IPO4: variants seen among roughly 807,000 people sequenced by gnomAD.
The protein encoded by IPO4 is importin-4.
Under a neutral mutation model 133.5 loss-of-function variants are expected in IPO4, and 91 were observed. That is an observed-to-expected ratio of 0.68 (90% confidence interval 0.58 to 0.81). The LOEUF (loss-of-function observed/expected upper bound fraction) is 0.81. Among genes scored for constraint, IPO4 ranks in the 30% least tolerant of loss-of-function variants. The pLI, the probability that IPO4 is intolerant of heterozygous loss-of-function variation, is 0.00. For missense variants in IPO4, 1,279 were observed against 1,386.2 expected (o/e 0.92, Z 1.23); for synonymous variants, 607 against 581.6 (o/e 1.04, Z -0.63).
chr14:24,182,934 G>A (rs374588152), intron 23 of IPO4, 42 bp downstream of exon 23: 56 of 1,612,690 alleles, frequency 3.5e-5, no homozygotes, highest in Non-Finnish European at 4.7e-5. Flanking sequence ...CCCAACCGAG[G>A]CCCAGCACCT....
chr14:24,180,839 GAA>G (rs954728436), intron 28 of IPO4, 81 bp from the exon 29 acceptor site: 25 of 1,243,660 alleles, frequency 2.0e-5, no homozygotes, highest in Admixed American at 6.3e-5. Context: ...AGGAGTGGCA[GAA>G]TCTCTTATCA....
chr14:24,183,972 G>GGGGGGGCCCCCCCCC, intron 18 of IPO4, 26 bp downstream of exon 18: 1 of 1,573,300 alleles, frequency 6.4e-7, no homozygotes, highest in Non-Finnish European at 8.6e-7. Context: ...GGCAGGCCTG[G>GGGGGGGCCCCCCCCC]CCCAGCCCAC....
At position 24,188,614 on chromosome 14, in the gene IPO4, G is replaced by A. The variant is rs1261600365; in HGVS notation, c.94C>T (p.Leu32Phe). The change falls in exon 2 of 30, where the codon CTT (leucine) becomes TTT (phenylalanine). Residue 32 changes from leucine to phenylalanine, a missense_variant. By Grantham distance (22) the Leu-to-Phe change is conservative (BLOSUM62 0). Transcript: ENST00000354464. ...GCCGGCAAAGCGGCGGGGGCCCGAA[G>A]AACGATCTGGAGCTGTTCCGTGGCC... ...RRATEQLQIV[L>F]RAPAALPALC... The A allele has an allele frequency of 6.2e-7, 1 of 1,611,334 alleles. No individual in the cohort carries two copies. The highest frequency in any genetic ancestry group is 8.5e-7 in the Non-Finnish European group (1 of 1,179,042).
Position 24,184,683 on chromosome 14 carries a change from C to G in IPO4, c.1603G>C (p.Glu535Gln), listed in dbSNP as rs1288563693. ...HLREFLLTGR[E>Q]DLQPVQIQSL... is the part of the protein sequence containing the mutation. Reference sequence around the variant, plus strand: ...TGGATCTGCACAGGCTGAAGGTCCTCACGGCCTGTTAACAGGAATTCCCGC... The same window carrying G: ...TGGATCTGCACAGGCTGAAGGTCCTGACGGCCTGTTAACAGGAATTCCCGC... The change falls in exon 16 of 30, where the codon GAG becomes CAG. Residue 535 changes from glutamate to glutamine, a missense_variant. This residue lies in a region of IPO4 where 695 missense variants were observed against 704.1 expected (regional missense o/e 0.99). Coordinates refer to ENST00000354464, the MANE Select transcript of IPO4 (RefSeq NM_024658.4). The G allele has an allele frequency of 1.2e-6, 2 of 1,610,848 alleles. No individual in the cohort carries two copies. The highest frequency in any genetic ancestry group is 1.7e-6 in the Non-Finnish European group (2 of 1,178,584).
rs1315012848 is a variant in IPO4, at chr14:24,182,036, T to C, written c.2726A>G (p.Gln909Arg). The C allele has an allele frequency of 6.2e-7, 1 of 1,613,426 alleles. No homozygotes were observed. The highest frequency in any genetic ancestry group is 8.5e-7 in the Non-Finnish European group (1 of 1,180,026). Reference protein sequence around the residue: ...RLLPVLLSTAQEADPEVRSNA... With the variant: ...RLLPVLLSTAREADPEVRSNA... The stretch of plus-strand genomic sequence containing the variant: ...GCTTCGCACCTCGGGGTCTGCCTCT[T>C]GGGCGGTGCTCAACAGCACAGGGAG... The change falls in exon 26 of 30, where the codon CAA becomes CGA. Residue 909 changes from glutamine to arginine, a missense_variant. Around this residue, in one of 3 missense-constraint regions of IPO4, gnomAD observed 575 missense variants for 653.4 expected, o/e 0.88. Coordinates refer to ENST00000354464, the MANE Select transcript of IPO4 (RefSeq NM_024658.4).
chr14:24,182,418 C>T lies in IPO4; in HGVS notation c.2473-15G>A. 6.2e-7 allele frequency: 1 copy of T among 1,603,918 alleles called. No homozygotes were observed. ...TCGTATTCAGCCTGTGGAGCCAGGT[C>T]AGGGGCTGGAGCACCAGGGCCAGCT... On this transcript the variant is annotated splice_polypyrimidine_tract_variant and intron_variant, in intron 24 of 29. Transcript: ENST00000354464.
chr14:24,187,379 T>C (rs2039239089), intron 6 of IPO4, 21 bp downstream of exon 6: 5 of 1,611,336 alleles, frequency 3.1e-6, no homozygotes, highest in Non-Finnish European at 4.2e-6. Flanking sequence ...GAGTCAAAGA[T>C]AACGAGGGCC....
At chr14:24,181,023 T>G (rs2039128645) in intron 28 of IPO4, among the ~76,000 whole-genome samples, 1 of 152,042 alleles carries the variant, frequency 6.6e-6, no homozygotes, top group South Asian at 2.1e-4. Context: ...ACTCAGGAGC[T>G]TCACCTACAC....
Position 24,181,728 on chromosome 14 carries a change from T to C in IPO4, c.2923A>G (p.Arg975Gly). ...TCCCTCACCTGGGGCTCTGGTTTCC[T>C]GGTGGGACTGGCCATCAACAGGCGG... ...LARLLMASPT[R>G]KPEPQVLAAL... is the part of the protein sequence containing the mutation. Residue 975 changes from arginine (R) to glycine (G), a missense_variant, in exon 27 of 30, where the codon AGG (arginine) becomes GGG (glycine). Coordinates refer to ENST00000354464, the MANE Select transcript of IPO4 (RefSeq NM_024658.4). The C allele has an allele frequency of 1.2e-6, 2 of 1,602,648 alleles. No homozygotes were observed. The highest frequency in any genetic ancestry group is 1.7e-6 in the Non-Finnish European group (2 of 1,172,746).
Position 24,180,571 on chromosome 14 carries a change from G to T in IPO4, c.3117C>A (p.Asp1039Glu), listed in dbSNP as rs762618214. Residue 1039 changes from aspartate to glutamate, a missense_variant and splice_region_variant, in exon 30 of 30, where the codon GAC becomes GAA. This residue lies in a region of IPO4 where 575 missense variants were observed against 653.4 expected (regional missense o/e 0.88). Transcript: ENST00000354464. ...LILADNKIPP[D>E]TKAALLLLLT... is the part of the protein sequence containing the mutation. ...GGAGCAGCAACAGTGCGGCCTTGGTGTCTGGGTGGAGAGGGAGGGAGAAAG... is the reference window on the plus strand; with the variant it reads ...GGAGCAGCAACAGTGCGGCCTTGGTTTCTGGGTGGAGAGGGAGGGAGAAAG... 4 of 1,613,594 alleles carry T rather than the reference G, an allele frequency of 2.5e-6. No individual in the cohort carries two copies. Among genetic ancestry groups the T allele is most frequent in the Non-Finnish European group, 3.4e-6 (4 of 1,179,582 alleles).
chr14:24,180,298 C>T lies in IPO4; in HGVS notation c.*144G>A. On this transcript the variant is annotated 3_prime_UTR_variant, in exon 30 of 30. Transcript: ENST00000354464. ...TTTGTAACAGATCCAGCCTCAGGGA[C>T]AGCCCTGTAAGGCAGCAAGTGGGGC... 1 of 1,515,462 alleles carries T rather than the reference C, an allele frequency of 6.6e-7. No individual in the cohort carries two copies. Among genetic ancestry groups the T allele is most frequent in the Non-Finnish European group, 8.9e-7 (1 of 1,125,676 alleles). 93.9% of individuals were successfully genotyped at this position (1,515,462 alleles called of 1,614,324 possible). A position where few individuals can be genotyped will look rare whatever the true frequency, so the allele number is the denominator to read the frequency against.
chr14:24,182,700 T>C lies in IPO4; in HGVS notation c.2472+92A>G, dbSNP rs900272460. 12 of 1,422,224 alleles carry C rather than the reference T, an allele frequency of 8.4e-6. No individual in the cohort carries two copies. The African/African-American group carries it at 1.4e-4, about 17-fold the overall frequency. 88.1% of individuals were successfully genotyped at this position (1,422,224 alleles called of 1,614,324 possible). A position where few individuals can be genotyped will look rare whatever the true frequency, so the allele number is the denominator to read the frequency against. On this transcript the variant is annotated intron_variant, in intron 24 of 29. Coordinates refer to ENST00000354464, the MANE Select transcript of IPO4 (RefSeq NM_024658.4). ...ACCAGTCTCTTTTAGTGGCCCTGGC[T>C]GCCCCAGGCCAAGCCCAAATACACT... is the stretch of plus-strand genomic sequence containing the variant.
At chr14:24,182,528 C>A in intron 24 of IPO4, 125 bp from the exon 25 acceptor site, 1 of 1,364,208 alleles carries the variant, frequency 7.3e-7, no homozygotes. Context: ...GCTGGCCCCT[C>A]TCAAGCTGGG....
intron 16 of IPO4, 101 bp downstream of exon 16, chr14:24,184,546 GAGA>G: frequency 7.1e-7 from 1 of 1,416,100 alleles, no homozygotes; most frequent in South Asian, 1.4e-5. Flanking sequence ...CCCCTTTGAT[GAGA>G]AGGAAGACAT....
chr14:24,180,702 G>C lies in IPO4; in HGVS notation c.3102C>G (p.Asn1034Lys). 1.2e-6 allele frequency: 2 copies of C among 1,614,170 alleles called. No individual in the cohort carries two copies. The highest frequency in any genetic ancestry group is 1.7e-6 in the Non-Finnish European group (2 of 1,180,034). ...LRICSLILAD[N>K]KIPPDTKAAL... The stretch of plus-strand genomic sequence containing the variant: ...TCCTACCCTCACCTGGTGGGATCTT[G>C]TTGTCAGCCAGAATGAGGCTGCAGA... Residue 1034 changes from asparagine (N) to lysine (K), a missense_variant, in exon 29 of 30, where the codon AAC (asparagine) becomes AAG (lysine). Asn to Lys is a moderately conservative substitution (Grantham distance 94). Coordinates refer to ENST00000354464, the MANE Select transcript of IPO4 (RefSeq NM_024658.4).
In IPO4 at chr14:24,184,877, C is replaced by T. The variant is rs1176033332; in HGVS notation, c.1512G>A (p.Leu504=). 6.2e-7 allele frequency: 1 copy of T among 1,614,006 alleles called. No individual in the cohort carries two copies. Among genetic ancestry groups the T allele is most frequent in the East Asian group, 2.2e-5 (1 of 44,878 alleles). ...PRAKELAVSA[L]GAIATAAQAS... is the part of the protein sequence containing the mutation. The stretch of plus-strand genomic sequence containing the variant: ...TGCCTCTCTCCTCACCAATGGCTCC[C>T]AGGGCGCTCACAGCCAGCTCCTTGG... Residue 504 remains leucine, a synonymous_variant, in exon 15 of 30, where the codon CTG becomes CTA. Coordinates refer to ENST00000354464, the MANE Select transcript of IPO4 (RefSeq NM_024658.4).
chr14:24,187,220 A>G, intron 6 of IPO4, 70 bp from the exon 7 acceptor site: 1 of 1,564,758 alleles, frequency 6.4e-7, no homozygotes, highest in Non-Finnish European at 8.8e-7. Context: ...GCTTCCTCAC[A>G]GCCTGAATTG....
At chr14:24,183,388 T>C (rs1379217489) in intron 21 of IPO4, 33 bp from the exon 22 acceptor site, 12 of 1,594,850 alleles carry the variant, frequency 7.5e-6, no homozygotes, top group Non-Finnish European at 9.4e-6. Flanking sequence ...ATATGTCTGC[T>C]ATGTGCACCG....
rs759983443 is a variant in IPO4, at chr14:24,185,949, A to G, written c.1081T>C (p.Leu361=). 2 of 1,614,112 alleles carry G rather than the reference A, an allele frequency of 1.2e-6. No homozygotes were observed. The highest frequency in any genetic ancestry group is 1.7e-6 in the Non-Finnish European group (2 of 1,180,008). Residue 361 remains leucine (L), a synonymous_variant, in exon 12 of 30, where the codon TTG becomes CTG. Transcript: ENST00000354464. ...PQLMPMLEEA[L]RSESPYQRKA... The stretch of plus-strand genomic sequence containing the variant: ...CGCTGGTATGGGCTCTCGCTCCGCA[A>G]AGCCTCTTCCAACATGGGCATCTAG...
Sources: allele counts gnomAD v4.1 joint callset (sites outside exome capture counted in the v4.1 genomes callset), GRCh38; gene constraint gnomAD v4.1.1; regional missense constraint gnomAD v4.1.1; transcripts MANE v1.5; gene names NCBI Gene and HGNC (gene_info 2026-07-23, HGNC 2026-07-21).